Variants in SLC38A12 observed in about 807,000 individuals in gnomAD.
SLC38A12 encodes putative sodium-coupled neutral amino acid transporter 12.
At chr17:74,785,474 G>T in the SLC38A12 span, 2 of 1,606,828 alleles carry the variant, frequency 1.2e-6, no homozygotes, top group African/African-American at 1.3e-5. Flanking sequence ...TGCCTCTGTC[G>T]GTTCCAGGTT....
chr17:74,796,064 A>T, the SLC38A12 span, among the ~76,000 whole-genome samples: 8 of 152,256 alleles, frequency 5.3e-5, no homozygotes, highest in Non-Finnish European at 1.2e-4. Context: ...CTCTCCAGTT[A>T]GGGAAGGGTC....
the SLC38A12 span, among the ~76,000 whole-genome samples, chr17:74,794,134 A>G: frequency 5.4e-3 from 821 of 152,312 alleles, 7 homozygotes; most frequent in African/African-American, 0.019. Context: ...CTCTTTTCAG[A>G]GCCCTTGCAC....
chr17:74,799,407 CAAGG>C, the SLC38A12 span, among the ~76,000 whole-genome samples: 1 of 152,246 alleles, frequency 6.6e-6, no homozygotes, highest in Non-Finnish European at 1.5e-5. Flanking sequence ...TGGGACAGGA[CAAGG>C]TCGCCCTGGC....
chr17:74,819,842 C>A, the SLC38A12 span: 1 of 1,613,602 alleles, frequency 6.2e-7, no homozygotes, highest in South Asian at 1.1e-5. Flanking sequence ...TGAGATGGAT[C>A]GGTGAGTCTG....
the SLC38A12 span, among the ~76,000 whole-genome samples, chr17:74,800,458 T>C: frequency 2.0e-5 from 3 of 152,260 alleles, no homozygotes; most frequent in African/African-American, 7.2e-5. Context: ...CCTGCCATGG[T>C]CTCTGTTCTT....
the SLC38A12 span, chr17:74,791,072 G>A: frequency 1.9e-5 from 30 of 1,588,012 alleles, no homozygotes; most frequent in African/African-American, 5.4e-5. Context: ...GTGGGGAAAC[G>A]GGGAGCTGGT....
At chr17:74,835,887 G>T in the SLC38A12 span, 1 of 1,564,226 alleles carries the variant, frequency 6.4e-7, no homozygotes, top group South Asian at 1.2e-5. Flanking sequence ...GTAGGGCCGT[G>T]CCTGTCCCCA....
the SLC38A12 span, among the ~76,000 whole-genome samples, chr17:74,785,182 C>T: frequency 6.6e-6 from 1 of 152,188 alleles, no homozygotes; most frequent in African/African-American, 2.4e-5. Context: ...TTGAGTAGAG[C>T]GCTAGCATCT....
At chr17:74,788,989 T>C in the SLC38A12 span, 1 of 805,060 alleles carries the variant, frequency 1.2e-6, no homozygotes, top group Non-Finnish European at 1.9e-6. Flanking sequence ...ACGGCACTGC[T>C]CCTGGACCCC....
At chr17:74,827,268 C>G in the SLC38A12 span, among the ~76,000 whole-genome samples, 2 of 151,876 alleles carry the variant, frequency 1.3e-5, no homozygotes, top group African/African-American at 4.8e-5. The surrounding 1 kb of genome is among the most constrained non-coding windows in gnomAD (Gnocchi z 4.7). Context: ...CTGTCTCACT[C>G]CAACCCTTCA....
chr17:74,782,646 A>G, the SLC38A12 span, among the ~76,000 whole-genome samples: 1 of 152,204 alleles, frequency 6.6e-6, no homozygotes, highest in Non-Finnish European at 1.5e-5. Flanking sequence ...CTTCCCATTC[A>G]GAAGACCAGC....
the SLC38A12 span, chr17:74,777,241 G>A: frequency 3.1e-4 from 455 of 1,473,834 alleles, no homozygotes; most frequent in Non-Finnish European, 4.1e-4. Context: ...TCAGATAGGT[G>A]AAGCCTGCTC....
chr17:74,837,865 C>T, the SLC38A12 span: 1 of 985,880 alleles, frequency 1.0e-6, no homozygotes, highest in African/African-American at 1.7e-5. Context: ...CTGACCCTCA[C>T]TGGCTTGCCC....
the SLC38A12 span, among the ~76,000 whole-genome samples, chr17:74,814,434 CTCT>C: frequency 6.6e-6 from 1 of 152,178 alleles, no homozygotes; most frequent in Admixed American, 6.5e-5. Context: ...CGGGTGCACT[CTCT>C]TCTTCATGGA....
At chr17:74,830,116 C>T in the SLC38A12 span, among the ~76,000 whole-genome samples, 1 of 152,122 alleles carries the variant, frequency 6.6e-6, no homozygotes, top group African/African-American at 2.4e-5. Flanking sequence ...ACATGAGCAT[C>T]AGGGCCCTGG....
chr17:74,836,616 G>A, the SLC38A12 span: 33 of 1,613,066 alleles, frequency 2.0e-5, no homozygotes, highest in Admixed American at 8.3e-5. This position sits in a 1 kb window ranked among gnomAD's most constrained non-coding sequence, Gnocchi z 4.2. Flanking sequence ...GGTGGGCTTC[G>A]TGCTGCTCTG....
At chr17:74,836,068 C>T in the SLC38A12 span, 1 of 1,613,700 alleles carries the variant, frequency 6.2e-7, no homozygotes, top group African/African-American at 1.3e-5. This position sits in a 1 kb window ranked among gnomAD's most constrained non-coding sequence, Gnocchi z 4.2. Context: ...CACTCTCTGC[C>T]ATCCCTCATT....
chr17:74,779,054 T>G, the SLC38A12 span, among the ~76,000 whole-genome samples: 8 of 152,212 alleles, frequency 5.3e-5, no homozygotes, highest in Non-Finnish European at 7.3e-5. Context: ...CCTAGCCTCC[T>G]GCTGTCAGTG....
the SLC38A12 span, chr17:74,788,963 A>G: frequency 2.6e-6 from 3 of 1,160,784 alleles, no homozygotes; most frequent in Non-Finnish European, 3.7e-6. Context: ...CTCTCAGTGC[A>G]TGGCGGGCTC....
Sources: allele counts gnomAD v4.1 joint callset (sites outside exome capture counted in the v4.1 genomes callset), GRCh38; gene constraint gnomAD v4.1.1; non-coding constraint Gnocchi (gnomAD v3.1); transcripts MANE v1.5; gene names NCBI Gene and HGNC (gene_info 2026-07-23, HGNC 2026-07-21).